HTR1E: variants seen among roughly 807,000 people sequenced by gnomAD.
HTR1E encodes the protein 5-hydroxytryptamine receptor 1E.
In HTR1E, 3 loss-of-function variants were observed where a neutral mutation model predicts 3.4. That is an observed-to-expected ratio of 0.89 (90% CI 0.41 to 2.31). HTR1E has a LOEUF of 2.31. Among genes scored for constraint, HTR1E ranks in the 30% most tolerant of loss-of-function variants. HTR1E has a pLI of 0.05. For synonymous variants in HTR1E, 170 were observed against 182.8 expected (o/e 0.93, Z 0.56); for missense variants, 392 against 467.0 (o/e 0.84, Z 1.48).
chr6:86,999,095 G>A (rs1767982727), intron 1 of HTR1E, among the ~76,000 whole-genome samples: 1 of 152,096 alleles, frequency 6.6e-6, no homozygotes, highest in Admixed American at 6.6e-5. Context: ...GAGTAGCTGG[G>A]ATTACAGGAA....
intron 1 of HTR1E, among the ~76,000 whole-genome samples, chr6:86,980,110 A>AG (rs1201636691): frequency 6.6e-6 from 1 of 152,180 alleles, no homozygotes; most frequent in Non-Finnish European, 1.5e-5. Flanking sequence ...AGGGTCGGCC[A>AG]GGCGCGGTGG....
Position 87,015,770 on chromosome 6 carries a change from G to A in HTR1E, c.436G>A (p.Val146Ile), listed in dbSNP as rs200719637. The A allele has an allele frequency of 1.7e-4, 272 of 1,610,430 alleles. No individual in the cohort carries two copies. The highest frequency in any genetic ancestry group is 2.1e-4 in the Non-Finnish European group (247 of 1,177,956). Residue 146 changes from valine (V) to isoleucine (I), a missense_variant, in exon 2 of 2, where the codon GTC becomes ATC. Val to Ile is a conservative substitution (Grantham distance 29, BLOSUM62 3). Around this residue, in one of 3 missense-constraint regions of HTR1E, gnomAD observed 189 missense variants for 258.0 expected, o/e 0.73. Coordinates refer to ENST00000305344, the MANE Select transcript of HTR1E (RefSeq NM_000865.3). The part of the protein sequence containing the change: ...AKRAALMILT[V>I]WTISIFISMP... ...GAGGGCCGCGCTGATGATCCTTACC[G>A]TCTGGACCATCTCCATTTTCATCTC... is the stretch of plus-strand genomic sequence containing the variant.
chr6:86,945,153 C>T (rs756866381), intron 1 of HTR1E, among the ~76,000 whole-genome samples: 3 of 152,136 alleles, frequency 2.0e-5, no homozygotes, highest in Non-Finnish European at 4.4e-5. Context: ...AAGGACCTTC[C>T]AACGGACAGG....
At chr6:86,975,194 T>G (rs532906225) in intron 1 of HTR1E, among the ~76,000 whole-genome samples, 3 of 152,318 alleles carry the variant, frequency 2.0e-5, no homozygotes, top group Non-Finnish European at 2.9e-5. Flanking sequence ...ATACTGAAAA[T>G]CATGAGTTCA....
Position 87,016,058 on chromosome 6 carries a change from T to C in HTR1E, c.724T>C (p.Phe242Leu). The change falls in exon 2 of 2, where the codon TTC (phenylalanine) becomes CTC (leucine). Residue 242 changes from phenylalanine (F) to leucine (L), a missense_variant. By Grantham distance (22) the Phe-to-Leu change is conservative. This residue lies in a region of HTR1E where 178 missense variants were observed against 164.9 expected (regional missense o/e 1.08). Coordinates refer to ENST00000305344, the MANE Select transcript of HTR1E (RefSeq NM_000865.3). The stretch of plus-strand genomic sequence containing the variant: ...TGCAAGTTGTAAACTTACACAGACT[T>C]TCTGTGTGTCTGACTTCTCCACCTC... ...SFASCKLTQT[F>L]CVSDFSTSDP... 1 of 1,614,146 alleles carries C rather than the reference T, an allele frequency of 6.2e-7. No homozygotes were observed. The highest frequency in any genetic ancestry group is 8.5e-7 in the Non-Finnish European group (1 of 1,180,030).
chr6:86,981,151 C>T (rs1767706580), intron 1 of HTR1E, among the ~76,000 whole-genome samples: 2 of 152,184 alleles, frequency 1.3e-5, no homozygotes, highest in Admixed American at 1.3e-4. Context: ...CTCAGATATC[C>T]ACCGACTTTA....
chr6:86,966,402 G>A (rs918905353), intron 1 of HTR1E, among the ~76,000 whole-genome samples: 15 of 152,158 alleles, frequency 9.9e-5, no homozygotes, highest in Non-Finnish European at 1.8e-4. Context: ...GAGGCACTGT[G>A]GATAATGCAA....
chr6:86,990,475 C>A (rs1318672810), intron 1 of HTR1E, among the ~76,000 whole-genome samples: 1 of 152,096 alleles, frequency 6.6e-6, no homozygotes, highest in African/African-American at 2.4e-5. Context: ...CAAACGAAAA[C>A]AGTCTAATAA....
intron 1 of HTR1E, among the ~76,000 whole-genome samples, chr6:86,939,777 A>G (rs1438455824): frequency 6.6e-6 from 1 of 152,222 alleles, no homozygotes; most frequent in Non-Finnish European, 1.5e-5. Context: ...TTCTGCCATA[A>G]TGACTTCATT....
At position 87,015,706 on chromosome 6, in the gene HTR1E, C is replaced by G; in HGVS notation, c.372C>G (p.Ile124Met). The G allele has an allele frequency of 6.2e-7, 1 of 1,613,482 alleles. No individual in the cohort carries two copies. Among genetic ancestry groups the G allele is most frequent in the Non-Finnish European group, 8.5e-7 (1 of 1,179,632 alleles). The change falls in exon 2 of 2, where the codon ATC becomes ATG. Residue 124 changes from isoleucine to methionine, a missense_variant. Coordinates refer to ENST00000305344, the MANE Select transcript of HTR1E (RefSeq NM_000865.3). The stretch of plus-strand genomic sequence containing the variant: ...TTGCCCTGGACAGGTACTGGGCCAT[C>G]ACCAATGCTATTGAATACGCCAGGA... ...CVIALDRYWAITNAIEYARKR... is the reference protein window; with the variant it reads ...CVIALDRYWAMTNAIEYARKR...
chr6:86,954,788 A>C (rs764233486), intron 1 of HTR1E, among the ~76,000 whole-genome samples: 2 of 152,206 alleles, frequency 1.3e-5, no homozygotes, highest in Non-Finnish European at 2.9e-5. Flanking sequence ...CTGAGTCTGA[A>C]GTGCCCGTAG....
chr6:86,995,458 G>T (rs1469262218), intron 1 of HTR1E, among the ~76,000 whole-genome samples: 9 of 151,422 alleles, frequency 5.9e-5, no homozygotes, highest in African/African-American at 9.7e-5. Context: ...CTGAGGTCAG[G>T]AGTTCAAGAC....
chr6:86,969,623 AT>A (rs1767519930), intron 1 of HTR1E, among the ~76,000 whole-genome samples: 1 of 152,048 alleles, frequency 6.6e-6, no homozygotes. Context: ...TGTTGTGGAC[AT>A]TTTTCTTCAC....
In HTR1E at chr6:87,010,319, C is replaced by T. The variant is rs1220862850; in HGVS notation, c.-185-4831C>T. Among the ~76,000 whole-genome samples, 4 of 94,110 alleles carry T rather than the reference C, an allele frequency of 4.3e-5. 1 individual carries two copies. The highest frequency in any genetic ancestry group is 2.0e-4 in the African/African-American group (4 of 19,730). 61.7% of individuals were successfully genotyped at this position (94,110 alleles called of 152,430 possible). A position where few individuals can be genotyped will look rare whatever the true frequency, so the allele number is the denominator to read the frequency against. ...GCGGCTGGCCGGGCGGGGGGGCTGA[C>T]CCCCCCCACCTCCCTCCCGGACGGG... On this transcript the variant is annotated intron_variant, in intron 1 of 1. Transcript: ENST00000305344.
intron 1 of HTR1E, among the ~76,000 whole-genome samples, chr6:86,954,465 C>A (rs1034999067): frequency 3.3e-5 from 5 of 152,194 alleles, no homozygotes; most frequent in Non-Finnish European, 7.3e-5. Context: ...AATTTCAATT[C>A]CCAAAACAGA....
intron 1 of HTR1E, among the ~76,000 whole-genome samples, chr6:86,938,449 G>A (rs1277898470): frequency 6.6e-6 from 1 of 152,096 alleles, no homozygotes; most frequent in Non-Finnish European, 1.5e-5. Flanking sequence ...ACCCAATACT[G>A]CAAGGTGAGA....
At chr6:86,976,633 A>G (rs1024872608) in intron 1 of HTR1E, among the ~76,000 whole-genome samples, 6 of 152,220 alleles carry the variant, frequency 3.9e-5, no homozygotes, top group Admixed American at 3.3e-4. Context: ...TGATATGTGT[A>G]TAAATGGAAC....
chr6:86,968,523 A>C (rs1767505787), intron 1 of HTR1E, among the ~76,000 whole-genome samples: 1 of 152,226 alleles, frequency 6.6e-6, no homozygotes. Context: ...TGAATAGCAG[A>C]ATCTCATGGT....
chr6:86,969,878 G>A (rs1223924881), intron 1 of HTR1E, among the ~76,000 whole-genome samples: 2 of 152,156 alleles, frequency 1.3e-5, no homozygotes, highest in Non-Finnish European at 2.9e-5. Flanking sequence ...TTGGCCTGGG[G>A]AGCCTGAATG....
Sources: allele counts gnomAD v4.1 joint callset (sites outside exome capture counted in the v4.1 genomes callset), GRCh38; gene constraint gnomAD v4.1.1; regional missense constraint gnomAD v4.1.1; transcripts MANE v1.5; gene names NCBI Gene and HGNC (gene_info 2026-07-23, HGNC 2026-07-21).